The following AIDA variants were observed in gnomAD, a reference collection of about 807,000 sequenced individuals.
AIDA encodes the protein axin interactor, dorsalization associated.
AIDA carries 18 observed loss-of-function variants against 42.7 expected under a neutral mutation model. The ratio of observed to expected loss-of-function variants is 0.42; its 90% CI spans 0.29 to 0.63. The LOEUF is 0.63. Ranked by LOEUF, AIDA falls within the 20% of genes least tolerant of loss-of-function variation. AIDA has a pLI of 0.19. For missense variants in AIDA, 250 were observed against 354.1 expected (o/e 0.71, Z 2.36); for synonymous variants, 104 against 122.9 (o/e 0.85, Z 1.02).
chr1:222,691,461 C>A (rs1000973182), intron 4 of AIDA, among the ~76,000 whole-genome samples: 2 of 152,080 alleles, frequency 1.3e-5, no homozygotes, highest in African/African-American at 4.8e-5. Flanking sequence ...GAATTAAAAT[C>A]ACGAAATTAC....
At chr1:222,698,707 T>C (rs1655590280) in intron 2 of AIDA, among the ~76,000 whole-genome samples, 1 of 152,054 alleles carries the variant, frequency 6.6e-6, no homozygotes, top group Non-Finnish European at 1.5e-5. Flanking sequence ...CGCCTCAGCC[T>C]CCCAAAGTGC....
At chr1:222,711,384 C>A (rs1656027571) in intron 1 of AIDA, 1 of 152,132 alleles carries the variant, frequency 6.6e-6, no homozygotes, top group African/African-American at 2.4e-5. Context: ...CTCACTTGTA[C>A]CCTGCGGCTA....
At chr1:222,686,349 G>A (rs776200086) in intron 6 of AIDA, among the ~76,000 whole-genome samples, 4 of 152,196 alleles carry the variant, frequency 2.6e-5, no homozygotes, top group Non-Finnish European at 5.9e-5. Flanking sequence ...TGCCTAAACT[G>A]TGTGAACAAT....
At chr1:222,704,835 A>AG (rs543693493) in intron 1 of AIDA, among the ~76,000 whole-genome samples, 264 of 152,240 alleles carry the variant, frequency 1.7e-3, no homozygotes, top group Non-Finnish European at 2.7e-3. Flanking sequence ...AAAATATATG[A>AG]GAAAAAACTG....
At chr1:222,670,045 A>G in intron 9 of AIDA, 56 bp from the exon 10 acceptor site, 1 of 1,611,566 alleles carries the variant, frequency 6.2e-7, no homozygotes, top group Non-Finnish European at 8.5e-7. Flanking sequence ...TGAACTCTTC[A>G]AGGTTAAATA....
intron 6 of AIDA, 54 bp from the exon 7 acceptor site, chr1:222,676,272 T>C: frequency 6.5e-7 from 1 of 1,547,488 alleles, no homozygotes; most frequent in Non-Finnish European, 8.7e-7. Flanking sequence ...AGTAAACATT[T>C]TAATGAACAC....
chr1:222,701,019 G>T (rs1159194093), intron 2 of AIDA, among the ~76,000 whole-genome samples: 2 of 146,632 alleles, frequency 1.4e-5, no homozygotes, highest in African/African-American at 5.1e-5. Flanking sequence ...CTGGAGTGCA[G>T]TGGCATGATC....
chr1:222,682,008 G>C (rs1248466853), intron 6 of AIDA, among the ~76,000 whole-genome samples: 1 of 152,196 alleles, frequency 6.6e-6, no homozygotes, highest in Non-Finnish European at 1.5e-5. Context: ...TGTGGCCAAA[G>C]GCACTCTGGA....
chr1:222,696,035 G>A (rs1399530211), intron 2 of AIDA, among the ~76,000 whole-genome samples: 1 of 152,126 alleles, frequency 6.6e-6, no homozygotes, highest in Non-Finnish European at 1.5e-5. Context: ...GATACGACTC[G>A]ATGCCGAAGA....
rs960200383 is a variant in AIDA, at chr1:222,668,083, TAGC to T, written c.*1807_*1809del. The T allele has an allele frequency of 6.6e-6, 1 of 152,238 alleles. No individual in the cohort carries two copies. Among genetic ancestry groups the T allele is most frequent in the African/African-American group, 2.4e-5 (1 of 41,466 alleles). 9.4% of individuals were successfully genotyped at this position (152,238 alleles called of 1,614,324 possible). A position where few individuals can be genotyped will look rare whatever the true frequency, so the allele number is the denominator to read the frequency against. ...ATATAAACTATACTTATGTGAAGGA[TAGC>T]AGATGCTTCATATAAATTATCATTT... On this transcript the variant is annotated 3_prime_UTR_variant, in exon 10 of 10. Transcript: ENST00000340020.
At chr1:222,705,294 A>C (rs892633795) in intron 1 of AIDA, among the ~76,000 whole-genome samples, 4 of 152,134 alleles carry the variant, frequency 2.6e-5, no homozygotes, top group Admixed American at 6.5e-5. Context: ...CAATATAGCC[A>C]TTGTCTTTGT....
chr1:222,685,848 C>G (rs1006503684), intron 6 of AIDA, among the ~76,000 whole-genome samples: 1 of 152,168 alleles, frequency 6.6e-6, no homozygotes, highest in Non-Finnish European at 1.5e-5. Context: ...TTTTAACCAC[C>G]ACAATTTGAT....
At chr1:222,689,569 G>GTA (rs201614137) in intron 4 of AIDA, among the ~76,000 whole-genome samples, 57,837 of 99,458 alleles carry the variant, frequency 0.58, 17,800 homozygotes, top group Non-Finnish European at 0.72. Context: ...GTATATATAT[G>GTA]TATATATATA....
chr1:222,683,379 A>G (rs1664687100), intron 6 of AIDA, among the ~76,000 whole-genome samples: 1 of 152,236 alleles, frequency 6.6e-6, no homozygotes, highest in South Asian at 2.1e-4. Flanking sequence ...ATTTCAGCGG[A>G]AAATAAAATC....
chr1:222,696,443 C>A (rs1655524334), intron 2 of AIDA, among the ~76,000 whole-genome samples: 1 of 152,162 alleles, frequency 6.6e-6, no homozygotes, highest in Non-Finnish European at 1.5e-5. Context: ...TTCTTTTAAT[C>A]CTCACTATAA....
chr1:222,701,177 G>C (rs147608313), intron 2 of AIDA, among the ~76,000 whole-genome samples: 1 of 152,054 alleles, frequency 6.6e-6, no homozygotes, highest in Non-Finnish European at 1.5e-5. Context: ...TGCCCAGGCC[G>C]GTCTTGAACT....
At chr1:222,674,011 C>T (rs1003860928) in intron 7 of AIDA, among the ~76,000 whole-genome samples, 4 of 151,850 alleles carry the variant, frequency 2.6e-5, no homozygotes, top group Non-Finnish European at 5.9e-5. Flanking sequence ...CTCTTGAATC[C>T]GGGAGGCAGA....
chr1:222,694,217 G>A lies in AIDA; in HGVS notation c.227C>T (p.Ala76Val). ...AAGAGAAAAACTCCTTACCTGTAAA[G>A]CTGCACTTCGCAATTCCAAGCATGT... is the stretch of plus-strand genomic sequence containing the variant. ...IATCLELRSA[A>V]LQSTQSQEEF... Residue 76 changes from alanine (A) to valine (V), a missense_variant, in exon 3 of 10, where the codon GCT becomes GTT. Physicochemically the swap from Ala to Val is moderately conservative, Grantham distance 64. Coordinates refer to ENST00000340020, the MANE Select transcript of AIDA (RefSeq NM_022831.4). 6.2e-7 allele frequency: 1 copy of A among 1,611,540 alleles called. No individual in the cohort carries two copies.
At position 222,699,130 on chromosome 1, in the gene AIDA, A is replaced by ATGTT. The variant is rs148309717; in HGVS notation, c.180+4014_180+4017dup. 3.6e-3 allele frequency among the ~76,000 whole-genome samples: 552 copies of ATGTT among 152,260 alleles called. 23 individuals carry two copies. The East Asian group carries it at 0.094, about 26-fold the overall frequency. ...GTGAGACACCCCGTCTGGCCAAAGT[A>ATGTT]TGTTTTGTTTTGTTTTTTTAATTTT... On this transcript the variant is annotated intron_variant, in intron 2 of 9. Transcript: ENST00000340020.
Sources: gnomAD v4.1 joint callset for allele counts (sites outside exome capture counted in the v4.1 genomes callset) on GRCh38, gnomAD v4.1.1 for gene constraint, MANE v1.5 for transcripts, NCBI Gene and HGNC (gene_info 2026-07-23, HGNC 2026-07-21) for gene names.